ABHD3: variants seen among roughly 807,000 people sequenced by gnomAD.
ABHD3 encodes abhydrolase domain containing 3, phospholipase, also known as phospholipase ABHD3.
Under a neutral mutation model 48.8 loss-of-function variants are expected in ABHD3, and 46 were observed. The ratio of observed to expected loss-of-function variants is 0.94; its 90% CI spans 0.74 to 1.20. The LOEUF (loss-of-function observed/expected upper bound fraction) is 1.20. ABHD3 is among the 50% of genes most tolerant of loss of function. The pLI is 0.00. For synonymous variants in ABHD3, 192 were observed against 183.7 expected, an observed-to-expected ratio of 1.04 and a Z score of -0.36; for missense variants, 490 against 497.8, an observed-to-expected ratio of 0.98 and a Z score of 0.15.
At chr18:21,689,549 CAAAAAAAAAA>C (rs36011228) in intron 3 of ABHD3, among the ~76,000 whole-genome samples, 1 of 41,806 alleles carries the variant, frequency 2.4e-5, no homozygotes, top group Non-Finnish European at 3.8e-5. Flanking sequence ...AATCTGGTCT[CAAAAAAAAAA>C]AAAAAAAAAA....
chr18:21,693,180 C>T (rs993049477), intron 3 of ABHD3, among the ~76,000 whole-genome samples: 2 of 152,178 alleles, frequency 1.3e-5, no homozygotes, highest in African/African-American at 4.8e-5. Context: ...CTAAGCCATA[C>T]AATGGTCCTA....
chr18:21,686,465 G>A (rs149775923), intron 3 of ABHD3, among the ~76,000 whole-genome samples: 1 of 152,146 alleles, frequency 6.6e-6, no homozygotes, highest in Non-Finnish European at 1.5e-5. Context: ...CACTAGTGAC[G>A]GGAAAGAAAA....
chr18:21,701,312 C>A (rs2040508260), intron 3 of ABHD3: 1 of 151,696 alleles, frequency 6.6e-6, no homozygotes, highest in Non-Finnish European at 1.5e-5. Context: ...CTCCCGGGCT[C>A]AACTGATCGT....
chr18:21,653,340 G>T (rs1308876814), intron 8 of ABHD3, among the ~76,000 whole-genome samples: 2 of 151,310 alleles, frequency 1.3e-5, no homozygotes, highest in East Asian at 2.0e-4. Context: ...GTAGAGACGG[G>T]GTTTCACAAT....
chr18:21,704,407 G>T (rs2040589348), intron 1 of ABHD3, 97 bp downstream of exon 1: 1 of 1,194,286 alleles, frequency 8.4e-7, no homozygotes, highest in Admixed American at 4.4e-5. Flanking sequence ...CCTATCCCCG[G>T]GGCTGCCGAC....
intron 3 of ABHD3, 124 bp downstream of exon 3, chr18:21,702,189 AAAT>A (rs1292851081): frequency 1.2e-6 from 1 of 833,148 alleles, no homozygotes; most frequent in East Asian, 2.9e-5. Context: ...ATGCAGAGAA[AAAT>A]AATAATTTAA....
chr18:21,689,480 C>T (rs929957926), intron 3 of ABHD3, among the ~76,000 whole-genome samples: 13 of 126,620 alleles, frequency 1.0e-4, no homozygotes, highest in South Asian at 2.6e-4. Context: ...ATCCGGGAGG[C>T]GGAGTTTGCA....
chr18:21,696,206 C>T (rs760283198), intron 3 of ABHD3, among the ~76,000 whole-genome samples: 78 of 149,950 alleles, frequency 5.2e-4, no homozygotes, highest in Admixed American at 1.2e-3. Flanking sequence ...TGCAGTGGCG[C>T]GATCTCGGCT....
At chr18:21,693,933 C>T (rs2040309200) in intron 3 of ABHD3, among the ~76,000 whole-genome samples, 1 of 152,082 alleles carries the variant, frequency 6.6e-6, no homozygotes, top group Admixed American at 6.6e-5. Context: ...CAGCCTCTCT[C>T]ATCTCTCCTC....
chr18:21,656,934 A>G lies in ABHD3; in HGVS notation c.984T>C (p.Ser328=). Residue 328 remains serine, a synonymous_variant, in exon 8 of 9, where the codon AGT becomes AGC. Coordinates refer to ENST00000289119, the MANE Select transcript of ABHD3 (RefSeq NM_138340.5). ...GAATTCCTACTGACTTCAGTCTAGG[A>G]CTCGGACTGGCATCAGTATAATAAT... ...IDDYYTDASP[S]PRLKSVGIPV... 6.2e-7 allele frequency: 1 copy of G among 1,613,928 alleles called. No homozygotes were observed. The highest frequency in any genetic ancestry group is 8.5e-7 in the Non-Finnish European group (1 of 1,179,862).
intron 8 of ABHD3, among the ~76,000 whole-genome samples, chr18:21,656,605 G>A (rs541292276): frequency 6.4e-4 from 97 of 152,258 alleles, no homozygotes; most frequent in African/African-American, 2.0e-3. Flanking sequence ...AGTGTATTTG[G>A]TAAGAAGGAA....
intron 4 of ABHD3, chr18:21,683,576 G>T (rs772189670): frequency 4.0e-6 from 2 of 496,068 alleles, no homozygotes; most frequent in South Asian, 1.5e-5. Context: ...GGGTTGAGAG[G>T]GTAGAAAAAA....
At chr18:21,695,160 G>A (rs1056914511) in intron 3 of ABHD3, among the ~76,000 whole-genome samples, 1 of 152,088 alleles carries the variant, frequency 6.6e-6, no homozygotes, top group Non-Finnish European at 1.5e-5. Context: ...AGCCTCCCAA[G>A]TAGCTGGGAT....
At chr18:21,681,978 A>G (rs895280253) in intron 4 of ABHD3, among the ~76,000 whole-genome samples, 8 of 151,972 alleles carry the variant, frequency 5.3e-5, no homozygotes, top group African/African-American at 1.5e-4. Context: ...ACAAATAAAT[A>G]AATAAAAAAT....
At chr18:21,668,200 CAAAA>C (rs747590942) in intron 4 of ABHD3, among the ~76,000 whole-genome samples, 14 of 61,354 alleles carry the variant, frequency 2.3e-4, no homozygotes, top group Non-Finnish European at 4.0e-4. Flanking sequence ...GAATCTATCT[CAAAA>C]AAAAAAAAAA....
chr18:21,694,431 T>A (rs1283410564), intron 3 of ABHD3, among the ~76,000 whole-genome samples: 1 of 152,146 alleles, frequency 6.6e-6, no homozygotes, highest in Non-Finnish European at 1.5e-5. Context: ...TAACAACTTT[T>A]AAATAATCTC....
chr18:21,689,297 T>A (rs2040192202), intron 3 of ABHD3, among the ~76,000 whole-genome samples: 1 of 152,054 alleles, frequency 6.6e-6, no homozygotes, highest in Admixed American at 6.6e-5. Context: ...GCCTGTAATC[T>A]CAGCCCTTTG....
chr18:21,675,537 C>T (rs781245592), intron 4 of ABHD3, among the ~76,000 whole-genome samples: 2 of 151,740 alleles, frequency 1.3e-5, no homozygotes, highest in East Asian at 1.9e-4. Context: ...AAAGTGCTGG[C>T]GTTACAGGTA....
intron 3 of ABHD3, among the ~76,000 whole-genome samples, chr18:21,689,370 G>GA (rs1715707783): frequency 2.0e-5 from 3 of 151,818 alleles, no homozygotes; most frequent in Non-Finnish European, 2.9e-5. Context: ...CCAACGTAGT[G>GA]AAACACTGTC....
Sources: allele counts gnomAD v4.1 joint callset (sites outside exome capture counted in the v4.1 genomes callset), GRCh38; gene constraint gnomAD v4.1.1; transcripts MANE v1.5; gene names NCBI Gene and HGNC (gene_info 2026-07-23, HGNC 2026-07-21).